The following GRAMD1C variants were observed in gnomAD, a reference collection of about 807,000 sequenced individuals.
GRAMD1C encodes protein Aster-C.
Under a neutral mutation model 97.8 loss-of-function variants are expected in GRAMD1C, and 89 were observed. That is an observed-to-expected ratio of 0.91 (90% confidence interval 0.77 to 1.09). The LOEUF (loss-of-function observed/expected upper bound fraction) is 1.09. GRAMD1C is among the 50% of genes least tolerant of loss of function. The probability of loss-of-function intolerance (pLI) is 0.00; values close to 1 mark genes in which losing one functional copy is unlikely to be tolerated. For missense variants in GRAMD1C, 740 were observed against 766.4 expected, an observed-to-expected ratio of 0.97 and a Z score of 0.41; for synonymous variants, 256 against 267.0, an observed-to-expected ratio of 0.96 and a Z score of 0.40.
At chr3:113,908,164 T>C (rs1936434098) in intron 8 of GRAMD1C, among the ~76,000 whole-genome samples, 1 of 152,324 alleles carries the variant, frequency 6.6e-6, no homozygotes, top group Admixed American at 6.5e-5. Flanking sequence ...TCCATCTGTG[T>C]ACATACAGAA....
At chr3:113,919,506 C>T in intron 10 of GRAMD1C, 1 of 539,044 alleles carries the variant, frequency 1.9e-6, no homozygotes, top group South Asian at 1.4e-5. Flanking sequence ...AAAGAACTAG[C>T]CTTACCTGGA....
chr3:113,891,993 A>G (rs1935744966), intron 6 of GRAMD1C, among the ~76,000 whole-genome samples: 1 of 152,040 alleles, frequency 6.6e-6, no homozygotes, highest in African/African-American at 2.4e-5. Context: ...GCCTTTAAAA[A>G]AGCAAATTAA....
At position 113,893,223 on chromosome 3, in the gene GRAMD1C, A is replaced by T. The variant is rs947531909; in HGVS notation, c.541-7808A>T. ...CTACAGCCAAAGTTATCTTTTTTTA[A>T]AAAAAAATGCTTGCTTATTTTTGCT... is the stretch of plus-strand genomic sequence containing the variant. On this transcript the variant is annotated intron_variant, in intron 6 of 17. Coordinates refer to ENST00000358160, the MANE Select transcript of GRAMD1C (RefSeq NM_017577.5). Among the ~76,000 whole-genome samples the T allele has an allele frequency of 1.9e-3, 295 of 151,960 alleles. 1 individual carries two copies. Among genetic ancestry groups the T allele is most frequent in the Non-Finnish European group, 3.4e-3 (231 of 67,938 alleles).
At chr3:113,832,416 A>G (rs1709571083) in intron 1 of GRAMD1C, among the ~76,000 whole-genome samples, 1 of 152,174 alleles carries the variant, frequency 6.6e-6, no homozygotes, top group South Asian at 2.1e-4. Context: ...GTTTGTTAGT[A>G]TCTTTTATAA....
rs1935305084 is a variant in GRAMD1C at position 113,882,477 on chromosome 3, A to G, written c.460-275A>G. On this transcript the variant is annotated intron_variant, in intron 5 of 17. Coordinates refer to ENST00000358160, the MANE Select transcript of GRAMD1C (RefSeq NM_017577.5). Reference sequence around the variant, plus strand: ...GATTTCCACAATTAAACTGATAAACATAAATAGCTACCTATTTCAAGTCCC... The same window carrying G: ...GATTTCCACAATTAAACTGATAAACGTAAATAGCTACCTATTTCAAGTCCC... Among the ~76,000 whole-genome samples, 5 of 152,194 alleles carry G rather than the reference A, an allele frequency of 3.3e-5. No individual in the cohort carries two copies. In the South Asian group the frequency reaches 8.3e-4, roughly 25 times the overall value.
chr3:113,903,269 G>A (rs900259657), intron 7 of GRAMD1C, among the ~76,000 whole-genome samples: 6 of 151,882 alleles, frequency 4.0e-5, no homozygotes, highest in East Asian at 3.9e-4. Context: ...CATCATGCCC[G>A]GTCGGCCTGA....
intron 6 of GRAMD1C, among the ~76,000 whole-genome samples, chr3:113,887,665 T>C (rs1577167218): frequency 1.6e-5 from 2 of 127,246 alleles, no homozygotes; most frequent in Middle Eastern, 5.3e-3. Context: ...CCGAGATTGC[T>C]CCACTGCACT....
chr3:113,870,122 G>C (rs745318485), intron 3 of GRAMD1C, among the ~76,000 whole-genome samples: 1 of 152,068 alleles, frequency 6.6e-6, no homozygotes, highest in African/African-American at 2.4e-5. Context: ...AGCACATTGG[G>C]AGACTGAGGC....
In GRAMD1C at chr3:113,876,211, C is replaced by T. The variant is rs1935026440; in HGVS notation, c.410C>T (p.Thr137Ile). 1.2e-6 allele frequency: 2 copies of T among 1,602,756 alleles called. No homozygotes were observed. The highest frequency in any genetic ancestry group is 1.7e-6 in the Non-Finnish European group (2 of 1,170,398). ...KNITFMTKEK[T>I]ARLIPNAIQI... ...ATAACCTTCATGACCAAGGAAAAAACTGCTCGACTCATCCCAAACGCTATC... is the reference window on the plus strand; with the variant it reads ...ATAACCTTCATGACCAAGGAAAAAATTGCTCGACTCATCCCAAACGCTATC... Residue 137 changes from threonine to isoleucine, a missense_variant, in exon 5 of 18, where the codon ACT becomes ATT. Transcript: ENST00000358160.
intron 10 of GRAMD1C, among the ~76,000 whole-genome samples, chr3:113,928,101 ATTGAGGAGCTT>A (rs1937292488): frequency 6.6e-6 from 1 of 152,062 alleles, no homozygotes; most frequent in Non-Finnish European, 1.5e-5. Context: ...CCTTTCCCAT[ATTGAGGAGCTT>A]TTCCTGGCTC....
Position 113,912,435 on chromosome 3 carries a change from G to A in GRAMD1C, c.953-3266G>A, listed in dbSNP as rs150488309. Among the ~76,000 whole-genome samples the A allele has an allele frequency of 8.5e-5, 13 of 152,248 alleles. No individual in the cohort carries two copies. The East Asian group carries it at 2.5e-3, about 29-fold the overall frequency. The stretch of plus-strand genomic sequence containing the variant: ...TGTGTTATACTGCTTTTAGGTTTGA[G>A]AAAGATAAAAGATTTTGGTTTTTCT... On this transcript the variant is annotated intron_variant, in intron 9 of 17. Transcript: ENST00000358160.
At chr3:113,893,995 A>T (rs960552890) in intron 6 of GRAMD1C, among the ~76,000 whole-genome samples, 1 of 152,158 alleles carries the variant, frequency 6.6e-6, no homozygotes, top group African/African-American at 2.4e-5. Context: ...TATTTAATTC[A>T]ATTTCTTTAA....
At chr3:113,885,865 G>C in intron 6 of GRAMD1C, 1 of 1,612,272 alleles carries the variant, frequency 6.2e-7, no homozygotes, top group South Asian at 1.1e-5. Context: ...AACTCCCTAG[G>C]GGCTTACAGG....
chr3:113,906,291 T>C (rs990054945), intron 8 of GRAMD1C, among the ~76,000 whole-genome samples: 1 of 152,182 alleles, frequency 6.6e-6, no homozygotes, highest in African/African-American at 2.4e-5. Flanking sequence ...GAAAATATTG[T>C]TATCATAGGA....
intron 6 of GRAMD1C, among the ~76,000 whole-genome samples, chr3:113,896,247 G>A (rs570400708): frequency 1.2e-4 from 19 of 152,212 alleles, no homozygotes; most frequent in Middle Eastern, 3.4e-3. Context: ...TTTCGGCAGC[G>A]TTAGATACCA....
At chr3:113,931,159 A>G (rs1455367742) in intron 11 of GRAMD1C, among the ~76,000 whole-genome samples, 1 of 152,198 alleles carries the variant, frequency 6.6e-6, no homozygotes, top group African/African-American at 2.4e-5. Flanking sequence ...AAAGAGATAT[A>G]GTGAAGTATT....
In GRAMD1C at chr3:113,936,285, A is replaced by C. The variant is rs1402989267; in HGVS notation, c.1476A>C (p.Glu492Asp). 1 of 1,582,002 alleles carries C rather than the reference A, an allele frequency of 6.3e-7. No individual in the cohort carries two copies. Among genetic ancestry groups the C allele is most frequent in the South Asian group, 1.2e-5 (1 of 86,168 alleles). ...FKQLESDLLI[E>D]ESVLNQAIED... ...TCTTAGAATCAGATTTGTTAATTGA[A>C]GAATCTGTATTAAATCAGGCCATTG... The change falls in exon 14 of 18, where the codon GAA becomes GAC. Residue 492 changes from glutamate (E) to aspartate (D), a missense_variant. Coordinates refer to ENST00000358160, the MANE Select transcript of GRAMD1C (RefSeq NM_017577.5).
chr3:113,939,501 C>G (rs556690702), intron 15 of GRAMD1C: 1 of 155,808 alleles, frequency 6.4e-6, no homozygotes, highest in South Asian at 2.0e-4. Context: ...GCATTATGAG[C>G]GTATAATTGC....
chr3:113,903,858 A>G (rs574877791), intron 7 of GRAMD1C, among the ~76,000 whole-genome samples: 3 of 152,052 alleles, frequency 2.0e-5, no homozygotes, highest in African/African-American at 7.2e-5. Flanking sequence ...AGCAATTTTC[A>G]TTTGATTAGT....
Sources: allele counts gnomAD v4.1 joint callset (sites outside exome capture counted in the v4.1 genomes callset), GRCh38; gene constraint gnomAD v4.1.1; transcripts MANE v1.5; gene names NCBI Gene and HGNC (gene_info 2026-07-23, HGNC 2026-07-21).